Variants in RASA2 observed in about 807,000 individuals in gnomAD.
RASA2 encodes RAS p21 protein activator 2.
In RASA2, 155 loss-of-function variants were observed where a neutral mutation model predicts 118.2. The ratio of observed to expected loss-of-function variants is 1.31; its 90% CI spans 1.15 to 1.50. RASA2 has a LOEUF of 1.50. Among genes scored for constraint, RASA2 ranks in the 40% most tolerant of loss-of-function variants. The probability of loss-of-function intolerance (pLI) is 0.00; values close to 1 mark genes in which losing one functional copy is unlikely to be tolerated. For synonymous variants in RASA2, 353 were observed against 349.1 expected (o/e 1.01, Z -0.12); for missense variants, 1,016 against 1,009.6 (o/e 1.01, Z -0.09).
intron 3 of RASA2, 81 bp downstream of exon 3, chr3:141,516,512 G>A (rs2082028997): frequency 3.7e-6 from 4 of 1,085,090 alleles, no homozygotes; most frequent in Non-Finnish European, 3.6e-6. Flanking sequence ...TTTGAAAATT[G>A]CAGAATAATA....
chr3:141,554,915 C>T lies in RASA2; in HGVS notation c.612-925C>T, dbSNP rs192902581. 7.9e-5 allele frequency among the ~76,000 whole-genome samples: 12 copies of T among 152,194 alleles called. No individual in the cohort carries two copies. In the East Asian group the frequency reaches 2.3e-3, roughly 29 times the overall value. The stretch of plus-strand genomic sequence containing the variant: ...GTTTTTTTTAATAATCTCTACCTGA[C>T]AAATTATTTGGTAACATACAGTTAG... On this transcript the variant is annotated intron_variant, in intron 6 of 23. Coordinates refer to ENST00000286364, the MANE Select transcript of RASA2 (RefSeq NM_006506.5).
chr3:141,558,933 AGAG>A lies in RASA2; in HGVS notation c.738_740del (p.Glu246del). 1.2e-6 allele frequency: 2 copies of A among 1,607,168 alleles called. No homozygotes were observed. Among genetic ancestry groups the A allele is most frequent in the Non-Finnish European group, 1.7e-6 (2 of 1,174,374 alleles). On this transcript the variant is annotated inframe_deletion, in exon 8 of 24. Coordinates refer to ENST00000286364, the MANE Select transcript of RASA2 (RefSeq NM_006506.5). ...CCAGAAAGTCCCAGTTCCAGGTAGA[AGAG>A]GAGGACATTGAAAAGCTAGAAATCA... is the stretch of plus-strand genomic sequence containing the variant.
chr3:141,537,531 G>C (rs965154882), intron 4 of RASA2, among the ~76,000 whole-genome samples: 1 of 152,164 alleles, frequency 6.6e-6, no homozygotes, highest in Non-Finnish European at 1.5e-5. Flanking sequence ...CACTTTGGGA[G>C]GCCAAGGCGG....
At chr3:141,601,812 G>A (rs1441164257) in intron 19 of RASA2, among the ~76,000 whole-genome samples, 1 of 151,896 alleles carries the variant, frequency 6.6e-6, no homozygotes, top group Non-Finnish European at 1.5e-5. Flanking sequence ...TCCAATTTAT[G>A]CTGATAAATT....
intron 23 of RASA2, among the ~76,000 whole-genome samples, chr3:141,610,416 ATTT>A (rs1171747683): frequency 3.3e-4 from 35 of 105,060 alleles, no homozygotes; most frequent in African/African-American, 1.3e-3. Context: ...ATATATTTAT[ATTT>A]ATATATTATA....
intron 1 of RASA2, among the ~76,000 whole-genome samples, chr3:141,499,470 G>A (rs1231544341): frequency 6.6e-6 from 1 of 152,122 alleles, no homozygotes; most frequent in Admixed American, 6.5e-5. Flanking sequence ...CTGAGTCTCG[G>A]CTAGCCACCC....
intron 23 of RASA2, 137 bp from the exon 24 acceptor site, chr3:141,612,146 C>T: frequency 1.5e-6 from 1 of 678,914 alleles, no homozygotes; most frequent in Non-Finnish European, 2.6e-6. Flanking sequence ...AGTAAGTACT[C>T]ATTGAATTAA....
At chr3:141,552,394 G>A (rs1399822169) in intron 5 of RASA2, among the ~76,000 whole-genome samples, 4 of 152,110 alleles carry the variant, frequency 2.6e-5, no homozygotes, top group Non-Finnish European at 4.4e-5. Flanking sequence ...GTTGAGTCTT[G>A]GCCAGCTTCT....
chr3:141,525,053 C>T (rs1334996111), intron 3 of RASA2: 1 of 152,032 alleles, frequency 6.6e-6, no homozygotes, highest in African/African-American at 2.4e-5. Flanking sequence ...TTACTGATGG[C>T]AAGAAAATGC....
At chr3:141,548,138 TAG>T (rs1359999803) in intron 5 of RASA2, among the ~76,000 whole-genome samples, 1 of 152,196 alleles carries the variant, frequency 6.6e-6, no homozygotes, top group East Asian at 1.9e-4. Context: ...TATTGGCCTA[TAG>T]TTTTCTTTTT....
At chr3:141,504,278 T>G (rs943059280) in intron 1 of RASA2, among the ~76,000 whole-genome samples, 2 of 152,224 alleles carry the variant, frequency 1.3e-5, no homozygotes, top group African/African-American at 4.8e-5. Context: ...TTTTGTAAAT[T>G]TTATGTACTT....
chr3:141,545,261 C>T (rs191771765), intron 5 of RASA2, among the ~76,000 whole-genome samples: 94 of 152,180 alleles, frequency 6.2e-4, no homozygotes, highest in African/African-American at 2.2e-3. Context: ...TCTCACATTG[C>T]TATAAAGAAA....
chr3:141,496,043 G>A (rs554610020), intron 1 of RASA2, among the ~76,000 whole-genome samples: 1 of 152,310 alleles, frequency 6.6e-6, no homozygotes, highest in Non-Finnish European at 1.5e-5. Context: ...CTGAACAGTT[G>A]TACAGATAAC....
intron 1 of RASA2, among the ~76,000 whole-genome samples, chr3:141,488,047 C>G (rs1333018447): frequency 1.3e-5 from 2 of 152,198 alleles, no homozygotes; most frequent in Non-Finnish European, 2.9e-5. Flanking sequence ...GCGAGCCTAC[C>G]AGTTGACTAA....
rs114797169 is a variant in RASA2, at chr3:141,532,816, T to A, written c.450+3014T>A. The stretch of plus-strand genomic sequence containing the variant: ...AGCAATAGATACTGCAAGTGGCACA[T>A]GGAAACTGAGACCCACTAATCATTT... On this transcript the variant is annotated intron_variant, in intron 4 of 23. Transcript: ENST00000286364. Among the ~76,000 whole-genome samples the A allele has an allele frequency of 4.4e-3, 668 of 152,248 alleles. 5 individuals carry two copies. The highest frequency in any genetic ancestry group is 0.015 in the African/African-American group (637 of 41,558).
Position 141,586,657 on chromosome 3 carries a change from A to C in RASA2, c.1838A>C (p.Lys613Thr). 5.0e-6 allele frequency: 8 copies of C among 1,610,148 alleles called. No homozygotes were observed. The highest frequency in any genetic ancestry group is 5.9e-6 in the Non-Finnish European group (7 of 1,176,784). ...PVHLKEGEMYKRAQGRTRIGK... is the reference protein window; with the variant it reads ...PVHLKEGEMYTRAQGRTRIGK... ...TGTTATGTTGGCAGTGAGATGTATA[A>C]AAGAGCTCAAGGAAGAACTCGGATT... Residue 613 changes from lysine to threonine, a missense_variant, in exon 19 of 24, where the codon AAA becomes ACA. Lys to Thr is a moderately conservative substitution (Grantham distance 78, BLOSUM62 -1). This residue lies in a region of RASA2 where 896 missense variants were observed against 836.4 expected (regional missense o/e 1.07). Coordinates refer to ENST00000286364, the MANE Select transcript of RASA2 (RefSeq NM_006506.5).
At chr3:141,501,628 A>G (rs1208336596) in intron 1 of RASA2, among the ~76,000 whole-genome samples, 1 of 152,218 alleles carries the variant, frequency 6.6e-6, no homozygotes, top group Non-Finnish European at 1.5e-5. Flanking sequence ...ATACTATACT[A>G]GTACTGTATA....
intron 3 of RASA2, among the ~76,000 whole-genome samples, chr3:141,517,661 T>C (rs1250613545): frequency 1.3e-5 from 2 of 152,066 alleles, no homozygotes; most frequent in Non-Finnish European, 2.9e-5. Flanking sequence ...AATATATTTC[T>C]CTTTTTTTTT....
At chr3:141,595,572 C>A (rs1241023558) in intron 19 of RASA2, among the ~76,000 whole-genome samples, 1 of 152,192 alleles carries the variant, frequency 6.6e-6, no homozygotes, top group African/African-American at 2.4e-5. Flanking sequence ...GAGAAAAAAA[C>A]AGAATTGAAA....
Sources: allele counts gnomAD v4.1 joint callset (sites outside exome capture counted in the v4.1 genomes callset), GRCh38; gene constraint gnomAD v4.1.1; regional missense constraint gnomAD v4.1.1; transcripts MANE v1.5; gene names NCBI Gene and HGNC (gene_info 2026-07-23, HGNC 2026-07-21).